NEBL: variants seen among roughly 807,000 people sequenced by gnomAD.
NEBL encodes the protein nebulette.
In NEBL, 122 loss-of-function variants were observed where a neutral mutation model predicts 140.2. That is an observed-to-expected ratio of 0.87 (90% CI 0.75 to 1.01). The LOEUF (loss-of-function observed/expected upper bound fraction) is 1.01, where lower values mean the gene tolerates loss of function less well. Ranked by LOEUF, NEBL falls within the 50% of genes least tolerant of loss-of-function variation. The pLI, the probability that NEBL is intolerant of heterozygous loss-of-function variation, is 0.00. For synonymous variants in NEBL, 436 were observed against 398.9 expected (o/e 1.09, Z -1.11); for missense variants, 1,365 against 1,231.3 (o/e 1.11, Z -1.62).
intron 2 of NEBL, among the ~76,000 whole-genome samples, chr10:21,085,462 CAACA>C (rs1403408821): frequency 3.3e-5 from 5 of 151,996 alleles, no homozygotes; most frequent in Non-Finnish European, 5.9e-5. Flanking sequence ...TCTCTACAAA[CAACA>C]AACAAACAAA....
intron 3 of NEBL, among the ~76,000 whole-genome samples, chr10:21,210,201 G>A (rs1278272396): frequency 1.3e-5 from 2 of 152,108 alleles, no homozygotes; most frequent in Non-Finnish European, 2.9e-5. Flanking sequence ...AGACCAGCCT[G>A]GACAACATGG....
At chr10:21,121,862 C>T (rs1166380489) in intron 2 of NEBL, among the ~76,000 whole-genome samples, 6 of 152,180 alleles carry the variant, frequency 3.9e-5, no homozygotes, top group Admixed American at 3.3e-4. Context: ...TTTGAAGATG[C>T]AAATTCCTTT....
At chr10:21,170,582 C>T (rs1298536146) in intron 2 of NEBL, 2 of 152,440 alleles carry the variant, frequency 1.3e-5, no homozygotes, top group Admixed American at 1.3e-4. Context: ...CACGCTATTC[C>T]AATAGGAAGC....
At position 21,222,636 on chromosome 10, in the gene NEBL, TG is replaced by T. The variant is rs1380890855; in HGVS notation, n.348+25284del. ...GGTACATAGTAGGTGTATATATGTA[TG>T]GGGTACATGAAATATTTTGATACAG... On this transcript the variant is annotated intron_variant and non_coding_transcript_variant, in intron 3 of 8. Coordinates refer to the NEBL transcript ENST00000675702. Among the ~76,000 whole-genome samples, 18 of 152,352 alleles carry T rather than the reference TG, an allele frequency of 1.2e-4. No homozygotes were observed. In the South Asian group the frequency reaches 3.3e-3, roughly 28 times the overall value.
At chr10:21,262,793 T>A (rs746170926) in intron 1 of NEBL, among the ~76,000 whole-genome samples, 1 of 152,206 alleles carries the variant, frequency 6.6e-6, no homozygotes, top group Non-Finnish European at 1.5e-5. Flanking sequence ...GACTCCATGA[T>A]AATTGGCTGG....
rs147820888 is a variant in NEBL, at chr10:20,840,141, T to C, written c.1338+598A>G. 7.9e-5 allele frequency among the ~76,000 whole-genome samples: 12 copies of C among 152,236 alleles called. No individual in the cohort carries two copies. In the East Asian group the frequency reaches 9.7e-4, roughly 12 times the overall value. On this transcript the variant is annotated intron_variant, in intron 13 of 27. Coordinates refer to ENST00000377122, the MANE Select transcript of NEBL (RefSeq NM_006393.3). The stretch of plus-strand genomic sequence containing the variant: ...TCATTATCATCAGAGTTTCAAAATA[T>C]GGGGACAAGGCTTTAAGCTCTTTCA...
At chr10:20,955,825 A>C (rs1188311452) in intron 4 of NEBL, among the ~76,000 whole-genome samples, 1 of 152,102 alleles carries the variant, frequency 6.6e-6, no homozygotes, top group Non-Finnish European at 1.5e-5. Flanking sequence ...ACACAGTGAA[A>C]CTGAAAAGAA....
intron 16 of NEBL, among the ~76,000 whole-genome samples, chr10:20,830,127 G>C (rs949105344): frequency 8.5e-5 from 13 of 152,298 alleles, no homozygotes; most frequent in Admixed American, 5.2e-4. Context: ...CGGAGGCTGA[G>C]AGGCACACAA....
intron 2 of NEBL, among the ~76,000 whole-genome samples, chr10:21,160,923 C>T (rs1327965860): frequency 6.6e-6 from 1 of 151,096 alleles, no homozygotes; most frequent in Non-Finnish European, 1.5e-5. Context: ...GTCTCAAACA[C>T]ATGGTTCACT....
Position 20,785,392 on chromosome 10 carries a change from C to A in NEBL, c.*355G>T. On this transcript the variant is annotated 3_prime_UTR_variant, in exon 28 of 28. Transcript: ENST00000377122. ...TTGGCTTGGGGTGATTCCAAAGTGA[C>A]AGCTAAGAAGTTTCAAACACACACT... is the stretch of plus-strand genomic sequence containing the variant. The A allele has an allele frequency of 3.3e-6, 1 of 303,224 alleles. No homozygotes were observed. The allele number at this position is 303,224 out of a possible 1,614,324, so 18.8% of individuals were successfully genotyped here. A position where few individuals can be genotyped will look rare whatever the true frequency, so the allele number is the denominator to read the frequency against.
chr10:21,120,493 A>G (rs1041088543), intron 2 of NEBL, among the ~76,000 whole-genome samples: 1 of 144,040 alleles, frequency 6.9e-6, no homozygotes, highest in Non-Finnish European at 1.5e-5. Flanking sequence ...TAAGTAGTCC[A>G]AGGGTTGATA....
At chr10:20,966,859 C>G (rs1359554379) in intron 3 of NEBL, among the ~76,000 whole-genome samples, 2 of 152,144 alleles carry the variant, frequency 1.3e-5, no homozygotes, top group Non-Finnish European at 1.5e-5. Flanking sequence ...CACTGTTAGG[C>G]AGAAAGCCAT....
chr10:20,901,152 C>G (rs1031969264), upstream of NEBL, among the ~76,000 whole-genome samples: 7 of 152,144 alleles, frequency 4.6e-5, no homozygotes, highest in African/African-American at 7.2e-5. Flanking sequence ...ATTCTCTGTG[C>G]CATTAATATC....
chr10:20,785,476 G>A lies in NEBL; in HGVS notation c.*271C>T. On this transcript the variant is annotated 3_prime_UTR_variant, in exon 28 of 28. Coordinates refer to ENST00000377122, the MANE Select transcript of NEBL (RefSeq NM_006393.3). ...TCTACAAAAATACATTTCCCAGAAG[G>A]GTTCAATAGCCAATCAAAGGAAACC... 1 of 484,698 alleles carries A rather than the reference G, an allele frequency of 2.1e-6. No homozygotes were observed. Among genetic ancestry groups the A allele is most frequent in the Non-Finnish European group, 3.8e-6 (1 of 266,170 alleles). 30.0% of individuals were successfully genotyped at this position (484,698 alleles called of 1,614,324 possible). A position where few individuals can be genotyped will look rare whatever the true frequency, so the allele number is the denominator to read the frequency against.
At chr10:20,877,206 A>C (rs1845583145) in intron 5 of NEBL, among the ~76,000 whole-genome samples, 1 of 152,212 alleles carries the variant, frequency 6.6e-6, no homozygotes, top group South Asian at 2.1e-4. Flanking sequence ...AGCTCTTTAC[A>C]CATAATGTTT....
intron 2 of NEBL, among the ~76,000 whole-genome samples, chr10:21,024,383 G>A (rs1412184621): frequency 3.3e-5 from 5 of 152,024 alleles, no homozygotes; most frequent in African/African-American, 1.2e-4. Flanking sequence ...AATAAATGCT[G>A]AGGGAAAGAA....
intron 2 of NEBL, among the ~76,000 whole-genome samples, chr10:21,069,566 A>T (rs1262349494): frequency 6.6e-6 from 1 of 152,214 alleles, no homozygotes; most frequent in African/African-American, 2.4e-5. Context: ...GGGCCCATTA[A>T]CCAGGGCATC....
At chr10:21,245,302 C>G (rs1842501829) in intron 3 of NEBL, among the ~76,000 whole-genome samples, 1 of 152,184 alleles carries the variant, frequency 6.6e-6, no homozygotes, top group African/African-American at 2.4e-5. Context: ...ACCAATGCTT[C>G]TGAGAAGCAT....
chr10:20,851,926 C>T (rs1842578666), intron 10 of NEBL, among the ~76,000 whole-genome samples: 1 of 151,942 alleles, frequency 6.6e-6, no homozygotes, highest in Non-Finnish European at 1.5e-5. Context: ...ACTTTAAGTT[C>T]CACAGAATAC....
Sources: allele counts gnomAD v4.1 joint callset (sites outside exome capture counted in the v4.1 genomes callset), GRCh38; gene constraint gnomAD v4.1.1; transcripts MANE v1.5; gene names NCBI Gene and HGNC (gene_info 2026-07-23, HGNC 2026-07-21).